Variants in ZFHX3 observed in about 807,000 individuals in gnomAD.
The protein encoded by ZFHX3 is zinc finger homeobox protein 3.
ZFHX3 carries 42 observed loss-of-function variants against 279.1 expected under a neutral mutation model. The observed-to-expected ratio is 0.15, with a 90% CI of 0.12 to 0.19. The LOEUF is 0.19. ZFHX3 is among the 10% of genes least tolerant of loss of function. ZFHX3 has a pLI of 1.00. For synonymous variants in ZFHX3, 2,293 were observed against 1,957.8 expected (o/e 1.17, Z -4.52); for missense variants, 4,981 against 4,754.0 (o/e 1.05, Z -1.40).
chr16:73,363,676 G>T (rs16971816), intron 3 of ZFHX3, among the ~76,000 whole-genome samples: 13,672 of 152,118 alleles, frequency 0.09, 2,044 homozygotes, highest in African/African-American at 0.31. Flanking sequence ...GGGCATGGAT[G>T]GATGAATTTT....
chr16:73,433,321 T>C (rs2017941547), intron 3 of ZFHX3, among the ~76,000 whole-genome samples: 1 of 152,194 alleles, frequency 6.6e-6, no homozygotes, highest in Non-Finnish European at 1.5e-5. Flanking sequence ...ATTAGTCACT[T>C]GCTTGAGGGC....
chr16:72,900,153 A>C (rs991835828), intron 3 of ZFHX3, among the ~76,000 whole-genome samples: 5 of 151,890 alleles, frequency 3.3e-5, no homozygotes, highest in Admixed American at 6.6e-5. Context: ...AAAAAAAAAA[A>C]AACAAGAAGT....
chr16:73,394,004 C>T (rs2017075452), intron 3 of ZFHX3, among the ~76,000 whole-genome samples: 1 of 147,482 alleles, frequency 6.8e-6, no homozygotes, highest in Non-Finnish European at 1.5e-5. Flanking sequence ...TATATGTATA[C>T]ATATATCTGT....
chr16:73,313,798 G>A (rs746308446), intron 4 of ZFHX3, among the ~76,000 whole-genome samples: 19 of 152,300 alleles, frequency 1.2e-4, no homozygotes, highest in Non-Finnish European at 2.1e-4. Flanking sequence ...GGTTTTGGAT[G>A]AGATTAACAT....
chr16:72,939,352 C>T (rs1960296573), intron 3 of ZFHX3, among the ~76,000 whole-genome samples: 1 of 152,184 alleles, frequency 6.6e-6, no homozygotes, highest in Admixed American at 6.5e-5. Flanking sequence ...GAATCTGGAA[C>T]ATGAAACATT....
intron 2 of ZFHX3, among the ~76,000 whole-genome samples, chr16:73,532,910 G>A (rs377348155): frequency 1.2e-4 from 18 of 152,140 alleles, no homozygotes; most frequent in African/African-American, 4.3e-4. Context: ...TCTCTCTCCT[G>A]CCACCCTGTA....
intron 1 of ZFHX3, among the ~76,000 whole-genome samples, chr16:73,809,045 A>G (rs774829400): frequency 4.6e-5 from 7 of 152,288 alleles, no homozygotes; most frequent in Non-Finnish European, 8.8e-5. Flanking sequence ...CATTTGTAAT[A>G]AGCAATAAGT....
chr16:73,102,947 CAG>C (rs1966249771), intron 7 of ZFHX3, among the ~76,000 whole-genome samples: 2 of 152,034 alleles, frequency 1.3e-5, no homozygotes, highest in Admixed American at 1.3e-4. Flanking sequence ...TTTTTTGAGA[CAG>C]AGTCTCACTC....
intron 5 of ZFHX3, among the ~76,000 whole-genome samples, chr16:73,198,062 T>C (rs1438344567): frequency 6.6e-6 from 1 of 150,440 alleles, no homozygotes; most frequent in African/African-American, 2.4e-5. Flanking sequence ...CTCAGCCTCC[T>C]GAGTAGCTGG....
intron 3 of ZFHX3, among the ~76,000 whole-genome samples, chr16:73,446,367 C>T (rs927442657): frequency 6.6e-6 from 1 of 152,110 alleles, no homozygotes; most frequent in Non-Finnish European, 1.5e-5. Flanking sequence ...GGGAAAGAAA[C>T]GTCCTTCTTC....
At chr16:73,442,006 A>G (rs1436319162) in intron 3 of ZFHX3, among the ~76,000 whole-genome samples, 1 of 152,120 alleles carries the variant, frequency 6.6e-6, no homozygotes, top group African/African-American at 2.4e-5. Context: ...TTCACTCTTA[A>G]CAGGACTCCA....
At chr16:72,990,788 C>A (rs1963055458) in intron 1 of ZFHX3, among the ~76,000 whole-genome samples, 1 of 152,074 alleles carries the variant, frequency 6.6e-6, no homozygotes, top group Non-Finnish European at 1.5e-5. Context: ...CGAGACCAGC[C>A]TGAGCAACAT....
intron 9 of ZFHX3, chr16:72,789,860 G>A (rs1409395170): frequency 2.0e-5 from 3 of 152,208 alleles, no homozygotes; most frequent in Non-Finnish European, 4.4e-5. Context: ...GTAGATGGTT[G>A]AGAAACAACC....
At chr16:73,199,782 T>A (rs1968229049) in intron 5 of ZFHX3, among the ~76,000 whole-genome samples, 1 of 152,112 alleles carries the variant, frequency 6.6e-6, no homozygotes, top group Admixed American at 6.5e-5. Flanking sequence ...GGTGCTACAG[T>A]GAGAGGGTGA....
At chr16:73,221,207 C>T (rs575633024) in intron 5 of ZFHX3, among the ~76,000 whole-genome samples, 11 of 152,184 alleles carry the variant, frequency 7.2e-5, no homozygotes, top group African/African-American at 2.4e-4. Context: ...TATTATACCA[C>T]GTCTTATTTT....
chr16:73,083,040 A>T (rs1270906083), intron 8 of ZFHX3, among the ~76,000 whole-genome samples: 2 of 73,030 alleles, frequency 2.7e-5, no homozygotes. Flanking sequence ...AAAAAAAAAA[A>T]AAAAATACAA....
At chr16:73,513,642 G>C (rs2019470703) in intron 2 of ZFHX3, among the ~76,000 whole-genome samples, 1 of 152,154 alleles carries the variant, frequency 6.6e-6, no homozygotes, top group African/African-American at 2.4e-5. Flanking sequence ...AATTTGGAGT[G>C]AGGATAAAAC....
chr16:72,783,476 C>T lies in ZFHX3; in HGVS notation c.*3688G>A, dbSNP rs2035212459. On this transcript the variant is annotated 3_prime_UTR_variant, in exon 10 of 10. Coordinates refer to ENST00000268489, the MANE Select transcript of ZFHX3 (RefSeq NM_006885.4). The stretch of plus-strand genomic sequence containing the variant: ...CTTGGGTCACTGCCTCTCTCTCCTG[C>T]AACTTCCTGCCATGCCTGATAAACT... The T allele has an allele frequency of 6.6e-6, 1 of 152,620 alleles. No individual in the cohort carries two copies. The highest frequency in any genetic ancestry group is 6.5e-5 in the Admixed American group (1 of 15,286). The allele number at this position is 152,620 out of a possible 1,614,324, so 9.5% of individuals were successfully genotyped here. A position where few individuals can be genotyped will look rare whatever the true frequency, so the allele number is the denominator to read the frequency against.
At chr16:73,720,605 T>A (rs1161476268) in intron 1 of ZFHX3, among the ~76,000 whole-genome samples, 1 of 152,166 alleles carries the variant, frequency 6.6e-6, no homozygotes, top group Non-Finnish European at 1.5e-5. Flanking sequence ...TATAATTCTG[T>A]GATGTCCATA....
Sources: gnomAD v4.1 joint callset for allele counts (sites outside exome capture counted in the v4.1 genomes callset) on GRCh38, gnomAD v4.1.1 for gene constraint, MANE v1.5 for transcripts, NCBI Gene and HGNC (gene_info 2026-07-23, HGNC 2026-07-21) for gene names.